The following VEZT variants were observed in gnomAD, a reference collection of about 807,000 sequenced individuals.
The protein encoded by VEZT is vezatin, adherens junctions transmembrane protein.
VEZT carries 39 observed loss-of-function variants against 79.9 expected under a neutral mutation model. That is an observed-to-expected ratio of 0.49 (90% CI 0.38 to 0.64). The LOEUF is 0.64. Among genes scored for constraint, VEZT ranks in the 30% least tolerant of loss-of-function variants. The pLI is 0.00. For missense variants in VEZT, 837 were observed against 893.1 expected (o/e 0.94, Z 0.80); for synonymous variants, 325 against 327.6 (o/e 0.99, Z 0.09).
At chr12:95,268,982 A>G (rs1415215859) in intron 5 of VEZT, among the ~76,000 whole-genome samples, 5 of 152,184 alleles carry the variant, frequency 3.3e-5, no homozygotes, top group African/African-American at 1.2e-4. Flanking sequence ...CCTTGTCTTA[A>G]CATAAGCCTG....
chr12:95,231,599 CTT>C (rs1054281291), intron 1 of VEZT: 20 of 152,088 alleles, frequency 1.3e-4, no homozygotes, highest in African/African-American at 4.8e-4. Context: ...AGCTTAATCT[CTT>C]TAAATTCTAT....
chr12:95,224,783 C>T (rs1045897474), intron 1 of VEZT, among the ~76,000 whole-genome samples: 2 of 152,210 alleles, frequency 1.3e-5, no homozygotes, highest in African/African-American at 4.8e-5. Context: ...CATCCTAATG[C>T]ACAGTGACTG....
At chr12:95,266,766 G>A in intron 5 of VEZT, 134 bp downstream of exon 5, 1 of 762,356 alleles carries the variant, frequency 1.3e-6, no homozygotes, top group East Asian at 2.7e-5. Flanking sequence ...ACTTACTAAA[G>A]TCAATTAACT....
At position 95,257,646 on chromosome 12, in the gene VEZT, T is replaced by C. The variant is rs183956152; in HGVS notation, c.258+407T>C. Among the ~76,000 whole-genome samples, 3 of 152,304 alleles carry C rather than the reference T, an allele frequency of 2.0e-5. No homozygotes were observed. In the East Asian group the frequency reaches 5.8e-4, roughly 29 times the overall value. Reference sequence around the variant, plus strand: ...ATTTTTGTGAGGCTTTGTTTTTTTCTACTCTCTGCTGTAACAGAACTCCAG... The same window carrying C: ...ATTTTTGTGAGGCTTTGTTTTTTTCCACTCTCTGCTGTAACAGAACTCCAG... On this transcript the variant is annotated intron_variant, in intron 3 of 11. Coordinates refer to ENST00000436874, the MANE Select transcript of VEZT (RefSeq NM_017599.4).
At chr12:95,223,272 T>C (rs975726979) in intron 1 of VEZT, among the ~76,000 whole-genome samples, 2 of 152,202 alleles carry the variant, frequency 1.3e-5, no homozygotes, top group Non-Finnish European at 2.9e-5. Context: ...TCAGTAAATG[T>C]TACCTTTTAT....
At chr12:95,235,831 C>T (rs577805074) in intron 1 of VEZT, among the ~76,000 whole-genome samples, 12 of 150,972 alleles carry the variant, frequency 7.9e-5, no homozygotes, top group South Asian at 2.1e-4. Flanking sequence ...GGGCGGCTGC[C>T]GGGCAGAGAC....
chr12:95,272,620 C>G (rs185672394), intron 6 of VEZT, among the ~76,000 whole-genome samples: 82 of 152,126 alleles, frequency 5.4e-4, no homozygotes, highest in Non-Finnish European at 1.1e-3. Context: ...TTTGCCTGAT[C>G]AAAGTAAAGA....
At chr12:95,246,176 G>A (rs1292909943) in intron 1 of VEZT, among the ~76,000 whole-genome samples, 2 of 151,816 alleles carry the variant, frequency 1.3e-5, no homozygotes, top group Non-Finnish European at 2.9e-5. Flanking sequence ...AGGCTGGAGT[G>A]CAGTGGCGGG....
At chr12:95,229,319 AT>A (rs2058923622) in intron 1 of VEZT, among the ~76,000 whole-genome samples, 1 of 151,952 alleles carries the variant, frequency 6.6e-6, no homozygotes, top group Non-Finnish European at 1.5e-5. Flanking sequence ...TGCCTACATT[AT>A]TTTTTTTAGT....
chr12:95,291,568 T>A (rs926911448), intron 9 of VEZT, among the ~76,000 whole-genome samples: 6 of 152,360 alleles, frequency 3.9e-5, no homozygotes, highest in Admixed American at 3.3e-4. Flanking sequence ...AAAGCACCCA[T>A]AGACTATACT....
At chr12:95,275,393 A>C (rs1171066782) in intron 7 of VEZT, among the ~76,000 whole-genome samples, 2 of 152,142 alleles carry the variant, frequency 1.3e-5, no homozygotes, top group African/African-American at 2.4e-5. Context: ...TGAGCTCAGG[A>C]GTTCGAGACC....
At chr12:95,254,828 GCT>G (rs929743476) in intron 2 of VEZT, among the ~76,000 whole-genome samples, 7 of 152,222 alleles carry the variant, frequency 4.6e-5, no homozygotes, top group Non-Finnish European at 7.4e-5. Context: ...AGCATTAATT[GCT>G]CTCTCTTTTT....
intron 11 of VEZT, chr12:95,298,830 T>C (rs941192333): frequency 2.0e-5 from 3 of 152,260 alleles, no homozygotes; most frequent in African/African-American, 7.2e-5. Flanking sequence ...AATAGCATTG[T>C]ATATAAACTT....
At chr12:95,245,621 C>G in intron 1 of VEZT, 1 of 455,122 alleles carries the variant, frequency 2.2e-6, no homozygotes, top group East Asian at 7.0e-5. Context: ...GGCCCAAGAC[C>G]TGAAAGCTTA....
At position 95,300,681 on chromosome 12, in the gene VEZT, G is replaced by C; in HGVS notation, c.*8G>C. On this transcript the variant is annotated 3_prime_UTR_variant, in exon 12 of 12. Transcript: ENST00000436874. ...GAGATAGAAGAAAAGTAAGAACCAA[G>C]ATTCATATGAAGTGATATTAGATTG... 1 of 1,569,116 alleles carries C rather than the reference G, an allele frequency of 6.4e-7. No homozygotes were observed. Among genetic ancestry groups the C allele is most frequent in the Non-Finnish European group, 8.6e-7 (1 of 1,158,482 alleles).
At chr12:95,268,842 G>A (rs1226790037) in intron 5 of VEZT, among the ~76,000 whole-genome samples, 1 of 152,168 alleles carries the variant, frequency 6.6e-6, no homozygotes, top group East Asian at 1.9e-4. Context: ...AAATTAGACA[G>A]TTTTTAAAAC....
At chr12:95,265,467 A>T (rs946684954) in intron 4 of VEZT, among the ~76,000 whole-genome samples, 9 of 149,934 alleles carry the variant, frequency 6.0e-5, no homozygotes, top group Middle Eastern at 3.4e-3. Context: ...ATGCAAATAA[A>T]GTTTGATTTT....
intron 1 of VEZT, chr12:95,245,450 G>T: frequency 2.2e-6 from 1 of 454,326 alleles, no homozygotes; most frequent in Middle Eastern, 3.3e-4. Flanking sequence ...ATGAACCGTG[G>T]TTTTATCAGA....
intron 1 of VEZT, among the ~76,000 whole-genome samples, chr12:95,242,824 G>A (rs1266915911): frequency 2.8e-5 from 4 of 143,280 alleles, no homozygotes; most frequent in African/African-American, 7.9e-5. Flanking sequence ...AGTGAGCCGA[G>A]ATGGTGCCAT....
Sources: allele counts gnomAD v4.1 joint callset (sites outside exome capture counted in the v4.1 genomes callset), GRCh38; gene constraint gnomAD v4.1.1; transcripts MANE v1.5; gene names NCBI Gene and HGNC (gene_info 2026-07-23, HGNC 2026-07-21).